The following NUDT3 variants were observed in gnomAD, a reference collection of about 807,000 sequenced individuals.
NUDT3 encodes diphosphoinositol polyphosphate phosphohydrolase 1.
In NUDT3, 9 loss-of-function variants were observed where a neutral mutation model predicts 23.6. The observed-to-expected ratio is 0.38, with a 90% CI of 0.23 to 0.66. The LOEUF (loss-of-function observed/expected upper bound fraction) is 0.66, where lower values mean the gene tolerates loss of function less well. Ranked by LOEUF, NUDT3 falls within the 30% of genes least tolerant of loss-of-function variation. NUDT3 has a pLI of 0.52. For missense variants in NUDT3, 172 were observed against 218.5 expected (o/e 0.79, Z 1.34); for synonymous variants, 86 against 82.6 (o/e 1.04, Z -0.22).
intron 1 of NUDT3, among the ~76,000 whole-genome samples, chr6:34,358,865 CTATA>C (rs1764603570): frequency 6.6e-6 from 1 of 151,998 alleles, no homozygotes; most frequent in South Asian, 2.1e-4. Flanking sequence ...AATACAGTAA[CTATA>C]TAGGAGAAAA....
At chr6:34,356,916 T>C (rs1455596376) in intron 1 of NUDT3, among the ~76,000 whole-genome samples, 4 of 152,142 alleles carry the variant, frequency 2.6e-5, no homozygotes, top group African/African-American at 9.7e-5. Context: ...TAGCTGGGAC[T>C]ACAGGCGCCC....
chr6:34,299,900 CAAA>C (rs527665276), intron 2 of NUDT3, among the ~76,000 whole-genome samples: 1 of 133,404 alleles, frequency 7.5e-6, no homozygotes. Flanking sequence ...GAGACTGTCT[CAAA>C]AAAAAAAAAA....
intron 2 of NUDT3, among the ~76,000 whole-genome samples, chr6:34,311,211 T>C (rs1263003867): frequency 6.6e-6 from 1 of 152,192 alleles, no homozygotes; most frequent in Non-Finnish European, 1.5e-5. Context: ...AATTGTGAAA[T>C]TAAAACAATT....
chr6:34,343,354 A>AGCCT (rs1367742073), intron 1 of NUDT3, among the ~76,000 whole-genome samples: 1 of 149,892 alleles, frequency 6.7e-6, no homozygotes, highest in East Asian at 2.0e-4. Context: ...GGTCAAGACC[A>AGCCT]GCCTGGGCAA....
intron 4 of NUDT3, among the ~76,000 whole-genome samples, chr6:34,289,313 T>C (rs1487438759): frequency 6.6e-6 from 1 of 152,168 alleles, no homozygotes; most frequent in Non-Finnish European, 1.5e-5. Context: ...ACGCCTACAA[T>C]CCCAGCACTT....
At chr6:34,326,615 T>C (rs1764034693) in intron 2 of NUDT3, among the ~76,000 whole-genome samples, 1 of 152,146 alleles carries the variant, frequency 6.6e-6, no homozygotes, top group Admixed American at 6.5e-5. Flanking sequence ...TTTTTCTTTT[T>C]TTTGACACGG....
intron 1 of NUDT3, 36 bp downstream of exon 1, chr6:34,392,228 C>T (rs1235758749): frequency 1.3e-6 from 2 of 1,522,340 alleles, no homozygotes; most frequent in Non-Finnish European, 1.8e-6. Flanking sequence ...GGGCCGGAGA[C>T]CCGGCGACCC....
At position 34,389,952 on chromosome 6, in the gene NUDT3, A is replaced by G. The variant is rs1464667687; in HGVS notation, c.99+2312T>C. Among the ~76,000 whole-genome samples the G allele has an allele frequency of 1.3e-4, 19 of 148,612 alleles. No homozygotes were observed. The East Asian group carries it at 3.6e-3, about 29-fold the overall frequency. On this transcript the variant is annotated intron_variant, in intron 1 of 4. Transcript: ENST00000607016. ...GCACTCCACCATGGGCGACAGAGCAAGACTCTGTCTCAAAAAAAAAAAAAA... is the reference window on the plus strand; with the variant it reads ...GCACTCCACCATGGGCGACAGAGCAGGACTCTGTCTCAAAAAAAAAAAAAA...
At chr6:34,351,211 A>AC (rs1561915087) in intron 1 of NUDT3, among the ~76,000 whole-genome samples, 4 of 134,536 alleles carry the variant, frequency 3.0e-5, no homozygotes, top group Non-Finnish European at 4.8e-5. Context: ...AAAAAAAAAA[A>AC]AAAAAAAAAA....
intron 2 of NUDT3, among the ~76,000 whole-genome samples, chr6:34,311,811 A>G (rs1763777601): frequency 6.6e-6 from 1 of 152,204 alleles, no homozygotes. Flanking sequence ...AGAACGATAC[A>G]ATGGAGAAAA....
chr6:34,375,909 C>T (rs1764914955), intron 1 of NUDT3, among the ~76,000 whole-genome samples: 1 of 152,122 alleles, frequency 6.6e-6, no homozygotes. Flanking sequence ...TCTTCCACCT[C>T]CGCTTTTATG....
intron 1 of NUDT3, among the ~76,000 whole-genome samples, chr6:34,363,386 C>T (rs547161404): frequency 3.5e-4 from 53 of 152,246 alleles, no homozygotes; most frequent in Middle Eastern, 3.4e-3. Context: ...TTAGCAGAAA[C>T]GGCAAATAAC....
chr6:34,338,241 G>T (rs947842001), intron 2 of NUDT3, among the ~76,000 whole-genome samples: 4 of 152,148 alleles, frequency 2.6e-5, no homozygotes, highest in Non-Finnish European at 4.4e-5. Context: ...TCTCCCTTAT[G>T]TGGGGATAAC....
intron 1 of NUDT3, among the ~76,000 whole-genome samples, chr6:34,383,662 A>G (rs751243810): frequency 2.8e-4 from 42 of 152,228 alleles, no homozygotes; most frequent in Non-Finnish European, 3.5e-4. Context: ...AGATTGCTTC[A>G]GACACAGCAC....
At chr6:34,358,916 T>A (rs1246012123) in intron 1 of NUDT3, among the ~76,000 whole-genome samples, 2 of 152,224 alleles carry the variant, frequency 1.3e-5, no homozygotes, top group Non-Finnish European at 2.9e-5. Flanking sequence ...GGAAAATATT[T>A]TTATGTAATT....
intron 2 of NUDT3, among the ~76,000 whole-genome samples, chr6:34,330,584 T>C (rs1764112270): frequency 6.6e-6 from 1 of 152,048 alleles, no homozygotes; most frequent in Non-Finnish European, 1.5e-5. Context: ...ATTGCTTGAA[T>C]TCAGGAGTTT....
chr6:34,330,839 G>A (rs554563260), intron 2 of NUDT3, among the ~76,000 whole-genome samples: 1 of 152,104 alleles, frequency 6.6e-6, no homozygotes, highest in Non-Finnish European at 1.5e-5. Flanking sequence ...AATACAAATG[G>A]AATCAAGAGG....
At chr6:34,356,351 T>G (rs553055169) in intron 1 of NUDT3, among the ~76,000 whole-genome samples, 13 of 152,356 alleles carry the variant, frequency 8.5e-5, no homozygotes, top group African/African-American at 3.1e-4. Flanking sequence ...CCTTTCGATA[T>G]CTGTAAAACC....
chr6:34,305,058 C>T (rs1431115777), intron 2 of NUDT3, among the ~76,000 whole-genome samples: 1 of 145,838 alleles, frequency 6.9e-6, no homozygotes, highest in Non-Finnish European at 1.5e-5. Flanking sequence ...TACTGGCTCA[C>T]TGCAACCTCC....
Sources: gnomAD v4.1 joint callset for allele counts (sites outside exome capture counted in the v4.1 genomes callset) on GRCh38, gnomAD v4.1.1 for gene constraint, MANE v1.5 for transcripts, NCBI Gene and HGNC (gene_info 2026-07-23, HGNC 2026-07-21) for gene names.